TRAK1: variants seen among roughly 807,000 people sequenced by gnomAD.
TRAK1 encodes trafficking kinesin-binding protein 1.
In TRAK1, 33 loss-of-function variants were observed where a neutral mutation model predicts 92.1. That is an observed-to-expected ratio of 0.36 (90% CI 0.27 to 0.48). The LOEUF (loss-of-function observed/expected upper bound fraction) is 0.48. Among genes scored for constraint, TRAK1 ranks in the 20% least tolerant of loss-of-function variants. The pLI is 0.99. For missense variants in TRAK1, 1,123 were observed against 1,257.9 expected (o/e 0.89, Z 1.62); for synonymous variants, 521 against 517.3 (o/e 1.01, Z -0.10).
At chr3:42,121,475 G>A (rs568528824) in intron 1 of TRAK1, among the ~76,000 whole-genome samples, 86 of 152,216 alleles carry the variant, frequency 5.6e-4, no homozygotes, top group African/African-American at 2.0e-3. Flanking sequence ...TAGCCAGGAT[G>A]GTCTCGATCT....
At chr3:42,101,261 C>T (rs1576349896) in intron 1 of TRAK1, among the ~76,000 whole-genome samples, 1 of 152,180 alleles carries the variant, frequency 6.6e-6, no homozygotes, top group South Asian at 2.1e-4. Flanking sequence ...CCGGCCACAG[C>T]GAATCATGTG....
intron 1 of TRAK1, among the ~76,000 whole-genome samples, chr3:42,104,887 T>C (rs1404401438): frequency 6.6e-6 from 1 of 151,382 alleles, no homozygotes; most frequent in East Asian, 1.9e-4. Flanking sequence ...AGACGATCGG[T>C]AATAACAAAC....
chr3:42,078,767 A>AT lies in TRAK1; in HGVS notation c.-518-8337_-518-8336insT, dbSNP rs1156840827. Among the ~76,000 whole-genome samples, 3 of 150,860 alleles carry AT rather than the reference A, an allele frequency of 2.0e-5. No homozygotes were observed. The East Asian group carries it at 5.8e-4, about 29-fold the overall frequency. ...GATTCCATCTCAAAAAAAAAAAAAA[A>AT]AAAAAGAAAGAAAGAAAGAAAGAAA... On this transcript the variant is annotated intron_variant, in intron 1 of 16. Transcript: ENST00000487159.
intron 13 of TRAK1, among the ~76,000 whole-genome samples, chr3:42,206,583 G>A (rs1384932910): frequency 6.6e-6 from 1 of 152,186 alleles, no homozygotes. Flanking sequence ...GCAGACAGCA[G>A]GGATAACGTG....
chr3:42,031,632 C>CA (rs111589721), intron 1 of TRAK1, among the ~76,000 whole-genome samples: 126,458 of 149,322 alleles, frequency 0.85, 54,044 homozygotes, highest in East Asian at 1. Flanking sequence ...GACCTTGTCT[C>CA]AAAAAATAGT....
At chr3:42,068,565 C>A (rs555941115) in intron 1 of TRAK1, among the ~76,000 whole-genome samples, 1 of 152,138 alleles carries the variant, frequency 6.6e-6, no homozygotes, top group Non-Finnish European at 1.5e-5. Context: ...TGAGTTTTAC[C>A]GTGTTCCAGG....
At position 42,200,821 on chromosome 3, in the gene TRAK1, C is replaced by T; in HGVS notation, c.1194C>T (p.His398=). 1 of 1,614,120 alleles carries T rather than the reference C, an allele frequency of 6.2e-7. No individual in the cohort carries two copies. The highest frequency in any genetic ancestry group is 8.5e-7 in the Non-Finnish European group (1 of 1,180,014). ...LEEAESPDIT[H]QKRVFETVRN... is the part of the protein sequence containing the mutation. Reference sequence around the variant, plus strand: ...GGATGCCGTGCATTCTCCCTAGTCACCAGAAGCGTGTCTTTGAGACAGTAA... The same window carrying T: ...GGATGCCGTGCATTCTCCCTAGTCATCAGAAGCGTGTCTTTGAGACAGTAA... Residue 398 remains histidine, a synonymous_variant, in exon 12 of 16, where the codon CAC becomes CAT. Transcript: ENST00000327628.
intron 1 of TRAK1, chr3:42,051,482 C>G (rs1485197027): frequency 6.6e-6 from 1 of 152,280 alleles, no homozygotes; most frequent in Non-Finnish European, 1.5e-5. Flanking sequence ...CCCAGTGGAT[C>G]CATGCCTTCT....
Position 42,065,040 on chromosome 3 carries a change from G to A in TRAK1, c.-518-22064G>A, listed in dbSNP as rs1248058255. ...TACAGTGAGCTGAGGTCGCGCCACT[G>A]CACTCCAGCCTGGGTGACAGAGCAA... On this transcript the variant is annotated intron_variant, in intron 1 of 16. Coordinates refer to the TRAK1 transcript ENST00000487159. Among the ~76,000 whole-genome samples, 3 of 152,072 alleles carry A rather than the reference G, an allele frequency of 2.0e-5. No homozygotes were observed. The South Asian group carries it at 6.2e-4, about 32-fold the overall frequency.
At chr3:42,180,677 C>CAAA (rs33959095) in intron 3 of TRAK1, among the ~76,000 whole-genome samples, 2 of 87,082 alleles carry the variant, frequency 2.3e-5, no homozygotes, top group African/African-American at 4.6e-5. Context: ...AGACCTGTCT[C>CAAA]AAAAAAAAAA....
chr3:42,090,276 C>T (rs991564242), upstream of TRAK1, among the ~76,000 whole-genome samples: 1 of 152,234 alleles, frequency 6.6e-6, no homozygotes, highest in Admixed American at 6.5e-5. Context: ...TGAATTGATC[C>T]TTGGGATTCT....
At chr3:42,015,074 C>T (rs892864189) in intron 1 of TRAK1, among the ~76,000 whole-genome samples, 6 of 152,104 alleles carry the variant, frequency 3.9e-5, no homozygotes, top group Non-Finnish European at 7.4e-5. Context: ...GGGAGGGTCT[C>T]CCCAGATTGA....
chr3:42,063,203 T>G (rs939181590), intron 1 of TRAK1, among the ~76,000 whole-genome samples: 3 of 152,254 alleles, frequency 2.0e-5, no homozygotes, highest in African/African-American at 7.2e-5. Flanking sequence ...CAGCTACAAC[T>G]GCGGAATTGC....
At chr3:42,144,195 C>T (rs1699044678) in intron 2 of TRAK1, among the ~76,000 whole-genome samples, 1 of 152,006 alleles carries the variant, frequency 6.6e-6, no homozygotes, top group African/African-American at 2.4e-5. Context: ...GGCATTTCTA[C>T]CTCATTTCCC....
intron 2 of TRAK1, chr3:42,149,659 T>A: frequency 6.5e-7 from 1 of 1,534,302 alleles, no homozygotes; most frequent in Non-Finnish European, 8.7e-7. Context: ...TCCTTCTGGG[T>A]GGGGGGTGTC....
chr3:42,175,838 A>G (rs993539419), intron 2 of TRAK1, among the ~76,000 whole-genome samples: 2 of 152,176 alleles, frequency 1.3e-5, no homozygotes, highest in African/African-American at 4.8e-5. Context: ...AGAATTATTC[A>G]CTGAAGTCTT....
chr3:42,063,686 CAAAAAAA>C (rs57831151), intron 1 of TRAK1, among the ~76,000 whole-genome samples: 1 of 107,244 alleles, frequency 9.3e-6, no homozygotes, highest in African/African-American at 3.8e-5. Flanking sequence ...ACTCTGTCTC[CAAAAAAA>C]AAAAAAAAAG....
At chr3:42,103,053 C>CA in intron 1 of TRAK1, among the ~76,000 whole-genome samples, 1 of 152,290 alleles carries the variant, frequency 6.6e-6, no homozygotes, top group South Asian at 2.1e-4. Flanking sequence ...GCAATTATCA[C>CA]CAGTTCAGTT....
chr3:42,069,325 A>AAAAAAG (rs1301306917), intron 1 of TRAK1, among the ~76,000 whole-genome samples: 7 of 151,796 alleles, frequency 4.6e-5, no homozygotes, highest in African/African-American at 7.2e-5. Flanking sequence ...TGTCTCAAAA[A>AAAAAAG]AAAAAAGAAA....
Sources: gnomAD v4.1 joint callset for allele counts (sites outside exome capture counted in the v4.1 genomes callset) on GRCh38, gnomAD v4.1.1 for gene constraint, MANE v1.5 for transcripts, NCBI Gene and HGNC (gene_info 2026-07-23, HGNC 2026-07-21) for gene names.